TSHR: variants seen among roughly 807,000 people sequenced by gnomAD.
TSHR encodes thyrotropin receptor.
A neutral mutation model predicts 64.1 loss-of-function variants in TSHR; 51 were observed. The ratio of observed to expected loss-of-function variants is 0.80; its 90% confidence interval spans 0.64 to 1.01. TSHR has a LOEUF of 1.01. Ranked by LOEUF, TSHR falls within the 50% of genes least tolerant of loss-of-function variation. TSHR has a pLI of 0.00. For synonymous variants in TSHR, 361 were observed against 361.9 expected, an observed-to-expected ratio of 1.00 and a Z score of 0.03; for missense variants, 877 against 942.8, an observed-to-expected ratio of 0.93 and a Z score of 0.91.
chr14:81,080,763 TTCATA>T (rs1480553419), intron 3 of TSHR, among the ~76,000 whole-genome samples: 1 of 152,188 alleles, frequency 6.6e-6, no homozygotes, highest in African/African-American at 2.4e-5. Flanking sequence ...TCTGTGAACT[TTCATA>T]TTATAGATTA....
chr14:81,063,804 A>G (rs542487730), intron 2 of TSHR, among the ~76,000 whole-genome samples: 70 of 152,230 alleles, frequency 4.6e-4, no homozygotes, highest in African/African-American at 1.7e-3. Context: ...GGAAACTCAC[A>G]TAAGAGGTCT....
intron 1 of TSHR, among the ~76,000 whole-genome samples, chr14:80,998,478 T>A (rs1217013198): frequency 6.6e-6 from 1 of 151,978 alleles, no homozygotes; most frequent in Admixed American, 6.6e-5. Context: ...CATTATGACC[T>A]CTTATGTAAT....
intron 1 of TSHR, chr14:81,050,578 T>G (rs1488070079): frequency 6.6e-6 from 1 of 152,220 alleles, no homozygotes; most frequent in Non-Finnish European, 1.5e-5. Context: ...TTCCTAACAT[T>G]GTTATAAGTG....
In TSHR at chr14:81,143,506, A is replaced by G; in HGVS notation, c.1448A>G (p.Asn483Ser). Reference protein sequence around the residue: ...VDLYTHSEYYNHAIDWQTGPG... With the variant: ...VDLYTHSEYYSHAIDWQTGPG... ...CTCTACACTCACTCTGAGTACTACA[A>G]CCATGCCATCGACTGGCAGACAGGC... Residue 483 changes from asparagine to serine, a missense_variant, in exon 10 of 10, where the codon AAC becomes AGC. Physicochemically the swap from Asn to Ser is conservative, Grantham distance 46 (BLOSUM62 1). Coordinates refer to ENST00000298171, the MANE Select transcript of TSHR (RefSeq NM_000369.5). The G allele has an allele frequency of 2.5e-6, 4 of 1,613,914 alleles. No homozygotes were observed. Among genetic ancestry groups the G allele is most frequent in the Non-Finnish European group, 3.4e-6 (4 of 1,180,022 alleles).
intron 1 of TSHR, among the ~76,000 whole-genome samples, chr14:81,043,996 T>C (rs1008721920): frequency 6.6e-6 from 1 of 152,178 alleles, no homozygotes; most frequent in African/African-American, 2.4e-5. Flanking sequence ...GAAGAAAATC[T>C]AGGCAATACC....
At chr14:80,987,898 C>G (rs769261906) in intron 1 of TSHR, among the ~76,000 whole-genome samples, 1 of 152,152 alleles carries the variant, frequency 6.6e-6, no homozygotes, top group Non-Finnish European at 1.5e-5. Context: ...TTTCCTACTT[C>G]GCCCCAACAC....
rs1273226258 is a variant in TSHR at position 81,037,448 on chromosome 14, A to AAAAC, written c.171-24698_171-24697insACAA. On this transcript the variant is annotated intron_variant, in intron 1 of 9. Coordinates refer to ENST00000298171, the MANE Select transcript of TSHR (RefSeq NM_000369.5). ...ACAAACAAACAAACAAACAAACAAA[A>AAAAC]AACAGAAAATGATCTAACAAAATGT... Among the ~76,000 whole-genome samples, 410 of 127,926 alleles carry AAAAC rather than the reference A, an allele frequency of 3.2e-3. 9 individuals carry two copies. Among genetic ancestry groups the AAAAC allele is most frequent in the Non-Finnish European group, 5.0e-3 (270 of 53,946 alleles). 83.9% of individuals were successfully genotyped at this position (127,926 alleles called of 152,430 possible).
intron 7 of TSHR, among the ~76,000 whole-genome samples, chr14:81,101,058 T>A (rs2140010770): frequency 1.3e-5 from 2 of 152,292 alleles, no homozygotes; most frequent in Middle Eastern, 6.8e-3. Context: ...TATCTAGGGA[T>A]TGACAGTCAC....
At chr14:81,099,114 G>T (rs1889402927) in intron 7 of TSHR, among the ~76,000 whole-genome samples, 1 of 152,164 alleles carries the variant, frequency 6.6e-6, no homozygotes, top group Admixed American at 6.5e-5. Flanking sequence ...AGACATTCTG[G>T]ATGTAGCAGG....
At chr14:81,126,038 T>A (rs1460587531) in intron 8 of TSHR, among the ~76,000 whole-genome samples, 1 of 151,644 alleles carries the variant, frequency 6.6e-6, no homozygotes, top group Non-Finnish European at 1.5e-5. Flanking sequence ...AACAGAAGAG[T>A]CACATTGACA....
intron 1 of TSHR, among the ~76,000 whole-genome samples, chr14:80,975,488 C>G (rs774089770): frequency 6.6e-6 from 1 of 152,198 alleles, no homozygotes; most frequent in Non-Finnish European, 1.5e-5. Flanking sequence ...CCAATACGTT[C>G]TCACATTTGC....
chr14:81,016,471 AT>A (rs1160146408), intron 1 of TSHR, among the ~76,000 whole-genome samples: 16 of 125,776 alleles, frequency 1.3e-4, no homozygotes, highest in African/African-American at 9.5e-4. Context: ...TTAATGGGTT[AT>A]TTGTTTTCTT....
intron 7 of TSHR, among the ~76,000 whole-genome samples, chr14:81,101,263 A>C (rs1338087473): frequency 1.3e-5 from 2 of 152,202 alleles, no homozygotes; most frequent in Admixed American, 6.5e-5. Context: ...ATAGCTGTGG[A>C]GATTCTAAGA....
At chr14:80,963,875 T>G (rs753061240) in intron 1 of TSHR, among the ~76,000 whole-genome samples, 7 of 152,256 alleles carry the variant, frequency 4.6e-5, no homozygotes, top group Non-Finnish European at 1.0e-4. Context: ...CATTTGGGGA[T>G]AGAATGTCTT....
At position 81,139,721 on chromosome 14, in the gene TSHR, C is replaced by T. The variant is rs146738314; in HGVS notation, c.735C>T (p.Gly245=). ...QTSVTALPSK[G]LEHLKELIAR... Reference sequence around the variant, plus strand: ...GTGTCACTGCCCTTCCATCCAAAGGCCTGGAGCACCTGAAGGAACTGATAG... The same window carrying T: ...GTGTCACTGCCCTTCCATCCAAAGGTCTGGAGCACCTGAAGGAACTGATAG... Residue 245 remains glycine (G), a synonymous_variant, in exon 9 of 10, where the codon GGC becomes GGT. Coordinates refer to ENST00000298171, the MANE Select transcript of TSHR (RefSeq NM_000369.5). 5 of 1,614,196 alleles carry T rather than the reference C, an allele frequency of 3.1e-6. No homozygotes were observed. The highest frequency in any genetic ancestry group is 4.2e-6 in the Non-Finnish European group (5 of 1,180,050).
intron 8 of TSHR, among the ~76,000 whole-genome samples, chr14:81,120,615 T>C (rs1361919609): frequency 6.6e-6 from 1 of 152,330 alleles, no homozygotes; most frequent in Admixed American, 6.5e-5. Context: ...GATAATGTCA[T>C]CCGCACTCAG....
intron 8 of TSHR, among the ~76,000 whole-genome samples, chr14:81,133,365 C>T (rs1048756346): frequency 6.6e-6 from 1 of 152,166 alleles, no homozygotes; most frequent in African/African-American, 2.4e-5. Context: ...ACTCACAGTA[C>T]TCAGAGGGAG....
At chr14:81,097,871 G>A (rs1030915559) in intron 7 of TSHR, among the ~76,000 whole-genome samples, 1 of 152,004 alleles carries the variant, frequency 6.6e-6, no homozygotes, top group East Asian at 1.9e-4. Context: ...CCATTCTCTC[G>A]ATTGTCTGGT....
At position 81,008,419 on chromosome 14, in the gene TSHR, A is replaced by G. The variant is rs995538137; in HGVS notation, c.170+52569A>G. ...CATCTCCTGACTTCATGATCTGCCC[A>G]CCTTGGCCTCCCAAAGTGCTGGGAT... On this transcript the variant is annotated intron_variant, in intron 1 of 9. Coordinates refer to ENST00000298171, the MANE Select transcript of TSHR (RefSeq NM_000369.5). 4.3e-3 allele frequency among the ~76,000 whole-genome samples: 657 copies of G among 151,950 alleles called. 4 individuals are homozygous for G. The highest frequency in any genetic ancestry group is 0.013 in the African/African-American group (554 of 41,450).
Sources: gnomAD v4.1 joint callset for allele counts (sites outside exome capture counted in the v4.1 genomes callset) on GRCh38, gnomAD v4.1.1 for gene constraint, MANE v1.5 for transcripts, NCBI Gene and HGNC (gene_info 2026-07-23, HGNC 2026-07-21) for gene names.